Variants in IQCJ observed in about 807,000 individuals in gnomAD.
IQCJ encodes IQ domain-containing protein J.
Under a neutral mutation model 11.0 loss-of-function variants are expected in IQCJ, and 9 were observed. The ratio of observed to expected loss-of-function variants is 0.82; its 90% CI spans 0.49 to 1.43. IQCJ has a LOEUF of 1.43. Among genes scored for constraint, IQCJ ranks in the 40% most tolerant of loss-of-function variants. The pLI is 0.00. For missense variants in IQCJ, 146 were observed against 133.2 expected (o/e 1.10, Z -0.47); for synonymous variants, 55 against 51.3 (o/e 1.07, Z -0.31).
At chr3:159,207,861 G>A (rs1724741948) in intron 1 of IQCJ, among the ~76,000 whole-genome samples, 1 of 152,172 alleles carries the variant, frequency 6.6e-6, no homozygotes, top group African/African-American at 2.4e-5. Context: ...GATTTTTCCA[G>A]TTTGCATTCC....
chr3:159,127,839 G>GT (rs1182092545), intron 1 of IQCJ, among the ~76,000 whole-genome samples: 8 of 152,234 alleles, frequency 5.3e-5, no homozygotes, highest in South Asian at 2.1e-4. Context: ...CTGCCTTTGG[G>GT]TTTTTTTGTA....
chr3:159,108,161 A>AG (rs1221141557), intron 1 of IQCJ, among the ~76,000 whole-genome samples: 2 of 152,210 alleles, frequency 1.3e-5, no homozygotes, highest in Non-Finnish European at 2.9e-5. Context: ...AGAGGTCCCA[A>AG]GAAGCTACCA....
chr3:159,241,747 G>A (rs1726935073), intron 1 of IQCJ, among the ~76,000 whole-genome samples: 1 of 152,224 alleles, frequency 6.6e-6, no homozygotes, highest in South Asian at 2.1e-4. Context: ...CAACTACTAT[G>A]TGCTGGGCAC....
chr3:159,140,731 C>T (rs1720555396), intron 1 of IQCJ, among the ~76,000 whole-genome samples: 1 of 152,158 alleles, frequency 6.6e-6, no homozygotes, highest in African/African-American at 2.4e-5. Flanking sequence ...CTCTGTCCCT[C>T]CATGTCTTCA....
At chr3:159,107,636 C>A (rs1718346275) in intron 1 of IQCJ, among the ~76,000 whole-genome samples, 1 of 152,020 alleles carries the variant, frequency 6.6e-6, no homozygotes, top group South Asian at 2.1e-4. Flanking sequence ...TTAGCATTTG[C>A]CATTTGCCAG....
At chr3:159,119,431 A>C (rs1719220586) in intron 1 of IQCJ, among the ~76,000 whole-genome samples, 1 of 152,218 alleles carries the variant, frequency 6.6e-6, no homozygotes. Flanking sequence ...AATGAGTCTC[A>C]GTTTAAACGG....
intron 1 of IQCJ, among the ~76,000 whole-genome samples, chr3:159,145,905 G>T (rs376587152): frequency 1.3e-5 from 2 of 152,108 alleles, no homozygotes; most frequent in Admixed American, 6.6e-5. Flanking sequence ...ATTTAGACCC[G>T]CATACATCAA....
intron 3 of IQCJ, among the ~76,000 whole-genome samples, chr3:159,256,336 T>C (rs1012279977): frequency 6.6e-6 from 1 of 152,090 alleles, no homozygotes; most frequent in African/African-American, 2.4e-5. Context: ...ATTTAGGTTC[T>C]ATAAAGGAGA....
intron 3 of IQCJ, among the ~76,000 whole-genome samples, chr3:159,253,252 CTTT>C (rs1298957714): frequency 6.6e-6 from 1 of 151,818 alleles, no homozygotes; most frequent in Non-Finnish European, 1.5e-5. Flanking sequence ...TTCTTCTCTT[CTTT>C]TTTTCTCACT....
chr3:159,174,636 C>A (rs9866485), intron 1 of IQCJ, among the ~76,000 whole-genome samples: 1 of 152,162 alleles, frequency 6.6e-6, no homozygotes, highest in East Asian at 1.9e-4. Flanking sequence ...AAGAAGATAG[C>A]AACTTTCTTA....
At chr3:159,263,762 T>C, downstream of IQCJ, 2 of 985,324 alleles carry the variant, frequency 2.0e-6, no homozygotes, top group Non-Finnish European at 2.4e-6. Flanking sequence ...TTTGCCTAGA[T>C]ATGGATTTAA....
intron 1 of IQCJ, among the ~76,000 whole-genome samples, chr3:159,176,168 T>C (rs1722782117): frequency 6.6e-6 from 1 of 151,232 alleles, no homozygotes; most frequent in African/African-American, 2.5e-5. Context: ...AAGTTCTTTA[T>C]ATATTATGCA....
At chr3:159,164,682 C>T (rs751408622) in intron 1 of IQCJ, among the ~76,000 whole-genome samples, 2 of 152,072 alleles carry the variant, frequency 1.3e-5, no homozygotes, top group Non-Finnish European at 2.9e-5. Flanking sequence ...GCAGGAGAAT[C>T]GCTTGAACCT....
intron 1 of IQCJ, among the ~76,000 whole-genome samples, chr3:159,105,690 G>A (rs2108108704): frequency 6.6e-6 from 1 of 152,318 alleles, no homozygotes; most frequent in East Asian, 1.9e-4. Flanking sequence ...AGAAAACACT[G>A]GGGCTGGGGT....
At position 159,252,708 on chromosome 3, in the gene IQCJ, A is replaced by G. The variant is rs1727671323; in HGVS notation, c.75-19A>G. ...ACCTTCTGGATTGGGAGATATTGAG[A>G]CATTATTTCTGTTTCTAGTCACCAG... On this transcript the variant is annotated intron_variant, in intron 2 of 3. Transcript: ENST00000397832. 2 of 1,606,998 alleles carry G rather than the reference A, an allele frequency of 1.2e-6. No homozygotes were observed. The highest frequency in any genetic ancestry group is 2.2e-5 in the South Asian group (2 of 89,752).
chr3:159,130,041 A>C (rs916043770), intron 1 of IQCJ, among the ~76,000 whole-genome samples: 1 of 152,128 alleles, frequency 6.6e-6, no homozygotes, highest in African/African-American at 2.4e-5. Context: ...GTTCCACCAT[A>C]GGATTTCTAG....
At chr3:159,102,334 C>T (rs1203366897) in intron 1 of IQCJ, among the ~76,000 whole-genome samples, 1 of 152,270 alleles carries the variant, frequency 6.6e-6, no homozygotes, top group East Asian at 1.9e-4. Flanking sequence ...TCCTTCTAAG[C>T]ACCTAAGGAG....
chr3:159,242,071 G>A (rs974667422), intron 1 of IQCJ, among the ~76,000 whole-genome samples: 6 of 152,130 alleles, frequency 3.9e-5, no homozygotes, highest in Admixed American at 3.9e-4. Flanking sequence ...AAGGAACAGC[G>A]AAGATAAATG....
At chr3:159,223,356 G>A (rs1725658405) in intron 1 of IQCJ, among the ~76,000 whole-genome samples, 1 of 152,058 alleles carries the variant, frequency 6.6e-6, no homozygotes, top group African/African-American at 2.4e-5. Flanking sequence ...TGAAGAAATG[G>A]GGGATAAAAA....
Sources: gnomAD v4.1 joint callset for allele counts (sites outside exome capture counted in the v4.1 genomes callset) on GRCh38, gnomAD v4.1.1 for gene constraint, MANE v1.5 for transcripts, NCBI Gene and HGNC (gene_info 2026-07-23, HGNC 2026-07-21) for gene names.